TDRD1: variants seen among roughly 807,000 people sequenced by gnomAD.
TDRD1 encodes the protein tudor domain containing 1.
TDRD1 carries 37 observed loss-of-function variants against 140.6 expected under a neutral mutation model. The ratio of observed to expected loss-of-function variants is 0.26; its 90% CI spans 0.20 to 0.35. TDRD1 has a LOEUF of 0.35. Among genes scored for constraint, TDRD1 ranks in the 10% least tolerant of loss-of-function variants. The pLI, the probability that TDRD1 is intolerant of heterozygous loss-of-function variation, is 1.00. For synonymous variants in TDRD1, 506 were observed against 475.7 expected (o/e 1.06, Z -0.83); for missense variants, 1,243 against 1,393.0 (o/e 0.89, Z 1.71).
intron 3 of TDRD1, among the ~76,000 whole-genome samples, chr10:114,194,737 C>A (rs1320321710): frequency 7.4e-6 from 1 of 135,496 alleles, no homozygotes; most frequent in African/African-American, 2.7e-5. Flanking sequence ...TTTTGTTTGT[C>A]TTTTTAGTGG....
At chr10:114,196,061 G>A (rs2034324101) in intron 3 of TDRD1, among the ~76,000 whole-genome samples, 2 of 152,222 alleles carry the variant, frequency 1.3e-5, no homozygotes, top group East Asian at 1.9e-4. Flanking sequence ...GATTTAGAAC[G>A]CCTTCAGACA....
intron 1 of TDRD1, among the ~76,000 whole-genome samples, chr10:114,185,088 T>C (rs1448713527): frequency 6.6e-6 from 1 of 152,234 alleles, no homozygotes; most frequent in Non-Finnish European, 1.5e-5. Flanking sequence ...GTCCTAATCA[T>C]AGTGGACTGA....
chr10:114,202,279 A>T, exon 6 of TDRD1: 1 of 1,603,400 alleles, frequency 6.2e-7, no homozygotes, highest in Middle Eastern at 1.7e-4. Flanking sequence ...GAAACAAAGG[A>T]TGTGGAGGTA....
Position 114,183,662 on chromosome 10 carries a change from T to C in TDRD1, c.-6-4164T>C, listed in dbSNP as rs2033277131. ...TTCTGGAAACTAAGATTCTGAATGA[T>C]AGTATAATAGGCTGTCTATTAAAGC... On this transcript the variant is annotated intron_variant, in intron 1 of 25. Coordinates refer to ENST00000251864, the Ensembl canonical transcript of TDRD1. Among the ~76,000 whole-genome samples the C allele has an allele frequency of 2.6e-5, 4 of 152,100 alleles. No individual in the cohort carries two copies. In the South Asian group the frequency reaches 8.3e-4, roughly 31 times the overall value.
chr10:114,200,842 G>A (rs1282814420), intron 4 of TDRD1, among the ~76,000 whole-genome samples: 1 of 136,492 alleles, frequency 7.3e-6, no homozygotes. Flanking sequence ...ATTGCTTGCT[G>A]CTGCCTTTTT....
At chr10:114,199,554 A>G (rs1248716545) in intron 4 of TDRD1, among the ~76,000 whole-genome samples, 1 of 152,150 alleles carries the variant, frequency 6.6e-6, no homozygotes, top group Non-Finnish European at 1.5e-5. Context: ...ATGCAATGAA[A>G]TGCACAGACT....
At chr10:114,206,279 T>A in exon 11 of TDRD1, 3 of 1,613,678 alleles carry the variant, frequency 1.9e-6, no homozygotes, top group Non-Finnish European at 2.5e-6. Context: ...AGAAATGGGA[T>A]ATGGCTTGAA....
At chr10:114,204,356 C>T in intron 9 of TDRD1, 140 bp downstream of exon 9, 3 of 943,396 alleles carry the variant, frequency 3.2e-6, no homozygotes, top group Non-Finnish European at 4.5e-6. Flanking sequence ...CATGGGCTAT[C>T]TTGACCTTAT....
At chr10:114,228,297 T>G (rs753747767) in intron 25 of TDRD1, 23 of 1,390,648 alleles carry the variant, frequency 1.7e-5, no homozygotes, top group Non-Finnish European at 2.1e-5. Context: ...TGTAGGTTTA[T>G]CTGATCGTTT....
exon 20 of TDRD1, chr10:114,221,417 C>A: frequency 6.2e-7 from 1 of 1,612,578 alleles, no homozygotes; most frequent in East Asian, 2.2e-5. Context: ...ACTATACAAG[C>A]AAATGTATTA....
At chr10:114,232,504 CTTTTTTTTTT>C (rs140805425), downstream of TDRD1, among the ~76,000 whole-genome samples, 2 of 81,668 alleles carry the variant, frequency 2.4e-5, no homozygotes, top group South Asian at 5.2e-4. Context: ...ACTTGAAAGA[CTTTTTTTTTT>C]TTTTTTTTTT....
chr10:114,224,657 T>C (rs1324031266), intron 21 of TDRD1, among the ~76,000 whole-genome samples: 1 of 152,248 alleles, frequency 6.6e-6, no homozygotes, highest in Non-Finnish European at 1.5e-5. Flanking sequence ...TTCTATCACA[T>C]TTTTAATTTC....
upstream of TDRD1, among the ~76,000 whole-genome samples, chr10:114,177,653 C>T (rs560769843): frequency 6.6e-6 from 1 of 152,046 alleles, no homozygotes; most frequent in Non-Finnish European, 1.5e-5. Flanking sequence ...AGAAAAGGGA[C>T]AGTAGGTAAA....
chr10:114,220,590 T>C, exon 19 of TDRD1: 1 of 1,613,030 alleles, frequency 6.2e-7, no homozygotes, highest in Admixed American at 1.7e-5. Flanking sequence ...GAAACAAACA[T>C]TGGTCTGAAG....
rs773086994 is a variant in TDRD1, at chr10:114,187,800, T to C, written c.-6-26T>C. The C allele has an allele frequency of 7.3e-6, 11 of 1,506,076 alleles. No individual in the cohort carries two copies. In the Admixed American group the frequency reaches 2.0e-4, roughly 28 times the overall value. The allele number at this position is 1,506,076 out of a possible 1,614,324, so 93.3% of individuals were successfully genotyped here. On this transcript the variant is annotated intron_variant, in intron 1 of 25. Transcript: ENST00000251864. ...TCTGAAATTTTGAAATTAAAAGTTG[T>C]CTCTTAAATACATTTCTCTCCTTAG...
At chr10:114,227,382 C>G in intron 23 of TDRD1, 83 bp downstream of exon 23, 1 of 981,178 alleles carries the variant, frequency 1.0e-6, no homozygotes, top group Non-Finnish European at 1.6e-6. Flanking sequence ...GACCTTTTCT[C>G]ACTTCCCATG....
intron 25 of TDRD1, chr10:114,228,821 C>T (rs1430998325): frequency 1.0e-6 from 1 of 979,942 alleles, no homozygotes; most frequent in Non-Finnish European, 1.2e-6. Flanking sequence ...TGGTGGCTCA[C>T]GCCTGTAATC....
At chr10:114,196,796 T>C (rs1269338841) in intron 3 of TDRD1, among the ~76,000 whole-genome samples, 1 of 150,872 alleles carries the variant, frequency 6.6e-6, no homozygotes, top group Non-Finnish European at 1.5e-5. Context: ...AATTAGTAGA[T>C]TTATATCTCC....
chr10:114,222,239 T>G (rs563148910), intron 20 of TDRD1, among the ~76,000 whole-genome samples: 1 of 152,190 alleles, frequency 6.6e-6, no homozygotes, highest in Admixed American at 6.6e-5. Flanking sequence ...GAGGATAATT[T>G]TATTAAGTAT....
Sources: gnomAD v4.1 joint callset for allele counts (sites outside exome capture counted in the v4.1 genomes callset) on GRCh38, gnomAD v4.1.1 for gene constraint, MANE v1.5 for transcripts, NCBI Gene and HGNC (gene_info 2026-07-23, HGNC 2026-07-21) for gene names.